Variants in CPNE4 observed in about 807,000 individuals in gnomAD.
CPNE4 encodes copine 4, also known as copine-4.
A neutral mutation model predicts 67.9 loss-of-function variants in CPNE4; 25 were observed. That is an observed-to-expected ratio of 0.37 (90% CI 0.27 to 0.51). CPNE4 has a LOEUF of 0.51. CPNE4 is among the 20% of genes least tolerant of loss of function. CPNE4 has a pLI of 0.93. For missense variants in CPNE4, 464 were observed against 690.8 expected (o/e 0.67, Z 3.68); for synonymous variants, 242 against 244.9 (o/e 0.99, Z 0.11).
At chr3:132,010,773 C>A (rs1242316245) in intron 1 of CPNE4, among the ~76,000 whole-genome samples, 1 of 152,160 alleles carries the variant, frequency 6.6e-6, no homozygotes, top group African/African-American at 2.4e-5. Flanking sequence ...GGTCTGACAC[C>A]CCTCCTCCCA....
At chr3:131,545,740 T>C (rs967912518) in intron 14 of CPNE4, among the ~76,000 whole-genome samples, 1 of 152,222 alleles carries the variant, frequency 6.6e-6, no homozygotes, top group African/African-American at 2.4e-5. Context: ...ATTGGTTTAC[T>C]TTATAATATG....
At chr3:131,928,467 G>C (rs1023781829) in intron 1 of CPNE4, among the ~76,000 whole-genome samples, 3 of 152,128 alleles carry the variant, frequency 2.0e-5, no homozygotes, top group Non-Finnish European at 4.4e-5. Flanking sequence ...TCAAGCCAGT[G>C]ACCCCCAATG....
chr3:131,761,412 C>T (rs1330987138), intron 2 of CPNE4, among the ~76,000 whole-genome samples: 1 of 151,636 alleles, frequency 6.6e-6, no homozygotes, highest in East Asian at 1.9e-4. Context: ...AATCAGATTA[C>T]CAAAGTCACA....
At chr3:131,952,100 T>G (rs1159052032) in intron 1 of CPNE4, among the ~76,000 whole-genome samples, 5 of 128,356 alleles carry the variant, frequency 3.9e-5, no homozygotes, top group Non-Finnish European at 8.2e-5. Flanking sequence ...CCGGCCGCCA[T>G]CCCATCTAGG....
At chr3:131,539,781 T>G (rs768419171) in intron 15 of CPNE4, among the ~76,000 whole-genome samples, 3 of 152,194 alleles carry the variant, frequency 2.0e-5, no homozygotes, top group Non-Finnish European at 4.4e-5. Context: ...TCTTTGATCC[T>G]GCTGCACTAT....
intron 1 of CPNE4, among the ~76,000 whole-genome samples, chr3:132,015,121 A>C (rs1175679796): frequency 6.6e-6 from 1 of 152,168 alleles, no homozygotes; most frequent in African/African-American, 2.4e-5. Flanking sequence ...TTCAGAGTCA[A>C]AGAAGTTATA....
At chr3:131,971,857 C>G (rs1312113407) in intron 1 of CPNE4, among the ~76,000 whole-genome samples, 1 of 152,196 alleles carries the variant, frequency 6.6e-6, no homozygotes, top group Non-Finnish European at 1.5e-5. Context: ...TCTAGAATGA[C>G]AGCTATTTTC....
intron 7 of CPNE4, among the ~76,000 whole-genome samples, chr3:131,663,150 T>C (rs953265815): frequency 4.6e-5 from 7 of 152,220 alleles, no homozygotes; most frequent in African/African-American, 1.4e-4. Flanking sequence ...AATGAGTTCA[T>C]GTCCTTTGCA....
At chr3:131,938,422 G>T (rs1456019853) in intron 1 of CPNE4, among the ~76,000 whole-genome samples, 1 of 136,236 alleles carries the variant, frequency 7.3e-6, no homozygotes, top group Non-Finnish European at 1.6e-5. Context: ...CCAACAATTA[G>T]GGAGACTTAA....
At chr3:131,882,623 C>T (rs2087721917) in intron 2 of CPNE4, among the ~76,000 whole-genome samples, 1 of 148,194 alleles carries the variant, frequency 6.7e-6, no homozygotes, top group African/African-American at 2.4e-5. Context: ...GTGTTAGACA[C>T]TATTGTGCAT....
upstream of CPNE4, chr3:132,037,689 G>A (rs2074363334): frequency 8.0e-7 from 1 of 1,248,636 alleles, no homozygotes; most frequent in Middle Eastern, 1.8e-4. Context: ...TTCAGCTCTG[G>A]GTAGATTCAC....
chr3:131,554,659 G>C (rs1936365435), intron 12 of CPNE4, among the ~76,000 whole-genome samples: 1 of 152,058 alleles, frequency 6.6e-6, no homozygotes, highest in African/African-American at 2.4e-5. Context: ...TTATATGATG[G>C]CTCTAGTGAG....
intron 2 of CPNE4, among the ~76,000 whole-genome samples, chr3:131,741,345 C>A (rs2082352313): frequency 6.6e-6 from 1 of 151,972 alleles, no homozygotes. Context: ...CATATCAGGT[C>A]CACATTTATA....
intron 2 of CPNE4, among the ~76,000 whole-genome samples, chr3:131,848,886 G>A (rs1399503520): frequency 6.9e-6 from 1 of 145,006 alleles, no homozygotes; most frequent in Non-Finnish European, 1.5e-5. Flanking sequence ...TGTGCCCATA[G>A]GGAAGGGAGG....
At chr3:131,877,002 T>C (rs1180914597) in intron 2 of CPNE4, among the ~76,000 whole-genome samples, 3 of 152,168 alleles carry the variant, frequency 2.0e-5, no homozygotes, top group Non-Finnish European at 4.4e-5. Context: ...GCAAATAATG[T>C]ACTTTTTTTT....
chr3:131,639,529 C>T (rs2079484664), intron 7 of CPNE4, among the ~76,000 whole-genome samples: 2 of 151,828 alleles, frequency 1.3e-5, no homozygotes, highest in Non-Finnish European at 3.0e-5. Flanking sequence ...AAATTGTCAA[C>T]AAAGAAGTCC....
At chr3:131,865,652 C>A (rs1468030427) in intron 2 of CPNE4, among the ~76,000 whole-genome samples, 2 of 152,190 alleles carry the variant, frequency 1.3e-5, no homozygotes, top group Non-Finnish European at 2.9e-5. Context: ...CTTCTGACCT[C>A]CACCACCAAC....
intron 2 of CPNE4, among the ~76,000 whole-genome samples, chr3:131,836,498 A>G (rs79220724): frequency 0.021 from 3,248 of 152,298 alleles, 103 homozygotes; most frequent in African/African-American, 0.072. Flanking sequence ...TACAGCTAAC[A>G]TTATATTTAA....
intron 9 of CPNE4, among the ~76,000 whole-genome samples, chr3:131,580,410 A>ACATATG (rs1213815957): frequency 3.3e-5 from 2 of 60,812 alleles, no homozygotes; most frequent in Middle Eastern, 0.01. Flanking sequence ...ATATACATAT[A>ACATATG]CATATACATA....
Sources: gnomAD v4.1 joint callset for allele counts (sites outside exome capture counted in the v4.1 genomes callset) on GRCh38, gnomAD v4.1.1 for gene constraint, MANE v1.5 for transcripts, NCBI Gene and HGNC (gene_info 2026-07-23, HGNC 2026-07-21) for gene names.